HPSE2: variants seen among roughly 807,000 people sequenced by gnomAD.
HPSE2 encodes heparanase 2 (inactive), also known as inactive heparanase-2.
A neutral mutation model predicts 60.5 loss-of-function variants in HPSE2; 38 were observed. That is an observed-to-expected ratio of 0.63 (90% confidence interval 0.48 to 0.82). The LOEUF is 0.82. HPSE2 is among the 40% of genes least tolerant of loss of function. The probability of loss-of-function intolerance (pLI) is 0.00; values close to 1 mark genes in which losing one functional copy is unlikely to be tolerated. For synonymous variants in HPSE2, 295 were observed against 293.2 expected (o/e 1.01, Z -0.06); for missense variants, 713 against 740.4 (o/e 0.96, Z 0.43).
At chr10:99,194,999 C>T (rs923986672) in intron 2 of HPSE2, among the ~76,000 whole-genome samples, 1 of 151,910 alleles carries the variant, frequency 6.6e-6, no homozygotes, top group African/African-American at 2.4e-5. Context: ...TTCAACCAAG[C>T]CAAATAAACA....
At chr10:99,088,174 C>T (rs1843389939) in intron 3 of HPSE2, among the ~76,000 whole-genome samples, 1 of 151,998 alleles carries the variant, frequency 6.6e-6, no homozygotes, top group Non-Finnish European at 1.5e-5. Flanking sequence ...CCTCAAATGC[C>T]ACTTTCCCAG....
intron 3 of HPSE2, among the ~76,000 whole-genome samples, chr10:98,938,809 GA>G (rs1404963658): frequency 7.0e-6 from 1 of 143,726 alleles, no homozygotes; most frequent in Non-Finnish European, 1.5e-5. Context: ...TGAAATGAAG[GA>G]AAAAATGTTA....
intron 11 of HPSE2, among the ~76,000 whole-genome samples, chr10:98,482,150 C>A (rs1194767523): frequency 6.6e-6 from 1 of 152,086 alleles, no homozygotes; most frequent in Admixed American, 6.5e-5. Context: ...CTTTTGAGCA[C>A]TAAACTCTTT....
At chr10:98,479,692 G>A (rs769042017) in intron 11 of HPSE2, among the ~76,000 whole-genome samples, 1 of 152,182 alleles carries the variant, frequency 6.6e-6, no homozygotes, top group Non-Finnish European at 1.5e-5. Context: ...AGAATGAAGG[G>A]CCCAACATTT....
chr10:98,656,148 G>A (rs913971684), intron 6 of HPSE2, among the ~76,000 whole-genome samples: 5 of 150,822 alleles, frequency 3.3e-5, no homozygotes, highest in African/African-American at 7.3e-5. Flanking sequence ...GCGCAATGGC[G>A]CAATCTCAGC....
intron 9 of HPSE2, among the ~76,000 whole-genome samples, chr10:98,573,218 T>C (rs1387382289): frequency 6.6e-6 from 1 of 152,232 alleles, no homozygotes; most frequent in East Asian, 1.9e-4. Flanking sequence ...TTTACTGTTA[T>C]TATTCTTTTT....
intron 3 of HPSE2, among the ~76,000 whole-genome samples, chr10:99,138,550 A>G (rs1226461839): frequency 6.6e-6 from 1 of 152,270 alleles, no homozygotes; most frequent in Non-Finnish European, 1.5e-5. Context: ...ACCATGGAAT[A>G]CTATGCAGCC....
intron 3 of HPSE2, among the ~76,000 whole-genome samples, chr10:98,795,019 A>G (rs865857250): frequency 2.7e-4 from 15 of 56,148 alleles, no homozygotes; most frequent in African/African-American, 9.1e-4. Context: ...AGAGAGAGAG[A>G]GAAGGAAGGA....
At chr10:98,774,320 T>C (rs1283932240) in intron 3 of HPSE2, among the ~76,000 whole-genome samples, 1 of 152,110 alleles carries the variant, frequency 6.6e-6, no homozygotes, top group Non-Finnish European at 1.5e-5. Flanking sequence ...ATTTGCTCCA[T>C]ATATCAAGCA....
chr10:99,251,973 A>G, the HPSE2 span, among the ~76,000 whole-genome samples: 1 of 151,920 alleles, frequency 6.6e-6, no homozygotes, highest in Non-Finnish European at 1.5e-5. Context: ...CAGTAGGCCA[A>G]GGCTGCAGTT....
the HPSE2 span, among the ~76,000 whole-genome samples, chr10:99,273,603 C>T: frequency 2.6e-5 from 4 of 152,078 alleles, no homozygotes; most frequent in Non-Finnish European, 5.9e-5. Flanking sequence ...AGACATAAAC[C>T]AACCCCTAAA....
At chr10:98,513,880 T>C (rs1942503191) in intron 9 of HPSE2, among the ~76,000 whole-genome samples, 1 of 152,114 alleles carries the variant, frequency 6.6e-6, no homozygotes, top group Non-Finnish European at 1.5e-5. Context: ...AATCATCACA[T>C]GATCCAGCAA....
chr10:99,024,663 C>A (rs1846589687), intron 3 of HPSE2, among the ~76,000 whole-genome samples: 1 of 152,020 alleles, frequency 6.6e-6, no homozygotes. Context: ...AGAAGGGACC[C>A]TAAAAGCAGC....
chr10:98,610,431 T>C (rs1470979780), intron 9 of HPSE2, among the ~76,000 whole-genome samples: 2 of 152,176 alleles, frequency 1.3e-5, no homozygotes, highest in East Asian at 1.9e-4. Context: ...GCTCAGAGCA[T>C]GTTGCTATGG....
intron 9 of HPSE2, among the ~76,000 whole-genome samples, chr10:98,505,491 T>C (rs1297305727): frequency 1.3e-5 from 2 of 152,206 alleles, no homozygotes; most frequent in Admixed American, 6.5e-5. Context: ...ATTCCAACTA[T>C]ACTCCCTCCA....
At chr10:98,878,143 A>C (rs1378245966) in intron 3 of HPSE2, among the ~76,000 whole-genome samples, 6 of 151,986 alleles carry the variant, frequency 3.9e-5, no homozygotes, top group Non-Finnish European at 5.9e-5. Flanking sequence ...CAAATCTTTG[A>C]CAACAGCCAG....
At chr10:98,937,770 G>C (rs1159654969) in intron 3 of HPSE2, among the ~76,000 whole-genome samples, 1 of 141,832 alleles carries the variant, frequency 7.1e-6, no homozygotes, top group Admixed American at 7.0e-5. Context: ...ATCTGAGAAC[G>C]GGCAGACTGC....
At chr10:98,485,134 G>A (rs1484153909) in intron 10 of HPSE2, among the ~76,000 whole-genome samples, 1 of 152,108 alleles carries the variant, frequency 6.6e-6, no homozygotes, top group East Asian at 1.9e-4. Flanking sequence ...TTTTATTTTT[G>A]TTTTTGTTTA....
intron 3 of HPSE2, among the ~76,000 whole-genome samples, chr10:98,907,975 T>C (rs559758516): frequency 6.6e-6 from 1 of 152,282 alleles, no homozygotes; most frequent in Non-Finnish European, 1.5e-5. Flanking sequence ...AATAAAAAGT[T>C]ACCCTAAAAG....
Sources: allele counts gnomAD v4.1 joint callset (sites outside exome capture counted in the v4.1 genomes callset), GRCh38; gene constraint gnomAD v4.1.1; transcripts MANE v1.5; gene names NCBI Gene and HGNC (gene_info 2026-07-23, HGNC 2026-07-21).